CNTLN: variants seen among roughly 807,000 people sequenced by gnomAD.
The protein encoded by CNTLN is centlein.
CNTLN carries 212 observed loss-of-function variants against 180.0 expected under a neutral mutation model. The observed-to-expected ratio is 1.18, with a 90% CI of 1.05 to 1.32. The LOEUF (loss-of-function observed/expected upper bound fraction) is 1.32, where lower values mean the gene tolerates loss of function less well. Ranked by LOEUF, CNTLN falls within the 40% of genes most tolerant of loss-of-function variation. CNTLN has a pLI of 0.00. For missense variants in CNTLN, 2,095 were observed against 1,610.9 expected (o/e 1.30, Z -5.14); for synonymous variants, 722 against 563.1 (o/e 1.28, Z -3.99).
chr9:17,382,316 A>G (rs762149522), intron 13 of CNTLN, among the ~76,000 whole-genome samples: 11 of 152,224 alleles, frequency 7.2e-5, no homozygotes, highest in Non-Finnish European at 1.3e-4. Context: ...ACTCAAGTTT[A>G]CTTACTATTA....
At chr9:17,404,947 A>G (rs1827262666) in intron 15 of CNTLN, among the ~76,000 whole-genome samples, 1 of 151,632 alleles carries the variant, frequency 6.6e-6, no homozygotes, top group Non-Finnish European at 1.5e-5. Context: ...CATGTTAGCC[A>G]GGCTGGTCTT....
At chr9:17,465,832 T>A in intron 21 of CNTLN, 149 bp from the exon 22 acceptor site, 1 of 609,776 alleles carries the variant, frequency 1.6e-6, no homozygotes, top group Non-Finnish European at 2.7e-6. Context: ...ATAATATGAG[T>A]TCTGTAAGTA....
chr9:17,394,447 G>A, intron 14 of CNTLN, 87 bp from the exon 15 acceptor site: 1 of 1,021,776 alleles, frequency 9.8e-7, no homozygotes, highest in Non-Finnish European at 1.4e-6. Context: ...TGCTAAATGT[G>A]ATTTTTATTT....
At chr9:17,432,207 C>CA (rs1263727041) in intron 18 of CNTLN, among the ~76,000 whole-genome samples, 1 of 151,758 alleles carries the variant, frequency 6.6e-6, no homozygotes, top group Non-Finnish European at 1.5e-5. Flanking sequence ...AAACAAAAAA[C>CA]AAAAAACAAA....
At chr9:17,262,705 C>A (rs1827090362) in intron 5 of CNTLN, among the ~76,000 whole-genome samples, 1 of 151,294 alleles carries the variant, frequency 6.6e-6, no homozygotes, top group African/African-American at 2.5e-5. Flanking sequence ...AACAAACCTT[C>A]ACGATCTGCA....
intron 2 of CNTLN, among the ~76,000 whole-genome samples, chr9:17,179,669 T>C (rs373982173): frequency 1.4e-4 from 22 of 152,224 alleles, no homozygotes; most frequent in African/African-American, 5.1e-4. Flanking sequence ...TCCATAAATA[T>C]TGATTAGATC....
intron 2 of CNTLN, among the ~76,000 whole-genome samples, chr9:17,168,953 C>G (rs139418500): frequency 0.014 from 2,067 of 152,126 alleles, 49 homozygotes; most frequent in African/African-American, 0.048. Flanking sequence ...TGTTCACTGC[C>G]GTAGTCTGGC....
intron 2 of CNTLN, among the ~76,000 whole-genome samples, chr9:17,152,565 G>A (rs1004804326): frequency 6.6e-6 from 1 of 152,146 alleles, no homozygotes; most frequent in African/African-American, 2.4e-5. Context: ...TTGCTGAGTA[G>A]TGTTTTACTT....
At chr9:17,343,943 G>T (rs370729790) in intron 12 of CNTLN, among the ~76,000 whole-genome samples, 31 of 152,134 alleles carry the variant, frequency 2.0e-4, no homozygotes, top group African/African-American at 6.5e-4. Flanking sequence ...TTTAGTACGT[G>T]GTCCTAGACT....
rs530989540 is a variant in CNTLN, at chr9:17,261,968, A to G, written c.850-11765A>G. Among the ~76,000 whole-genome samples the G allele has an allele frequency of 7.3e-5, 11 of 151,702 alleles. No homozygotes were observed. In the South Asian group the frequency reaches 1.4e-3, roughly 20 times the overall value. ...GTGGACATTTATGATGCCAACAAAC[A>G]TAGGAAAAAAGCTTATCAGTAGTCA... On this transcript the variant is annotated intron_variant, in intron 5 of 25. Transcript: ENST00000380647.
intron 5 of CNTLN, among the ~76,000 whole-genome samples, chr9:17,272,563 C>T (rs961386061): frequency 1.3e-5 from 2 of 152,214 alleles, no homozygotes; most frequent in Non-Finnish European, 2.9e-5. Flanking sequence ...ATCTTCTTTC[C>T]AGCCTGAGGC....
At chr9:17,295,755 A>T (rs1368754600) in intron 6 of CNTLN, among the ~76,000 whole-genome samples, 2 of 152,028 alleles carry the variant, frequency 1.3e-5, no homozygotes, top group Admixed American at 6.6e-5. Flanking sequence ...TATTTGCAAC[A>T]TTGGTGTACA....
intron 18 of CNTLN, among the ~76,000 whole-genome samples, chr9:17,423,849 C>G (rs1828899809): frequency 6.6e-6 from 1 of 152,104 alleles, no homozygotes; most frequent in South Asian, 2.1e-4. Flanking sequence ...CACACAGATT[C>G]TCTCTCGGCT....
At chr9:17,307,962 G>A (rs1450890431) in intron 7 of CNTLN, among the ~76,000 whole-genome samples, 1 of 140,856 alleles carries the variant, frequency 7.1e-6, no homozygotes, top group African/African-American at 2.7e-5. Flanking sequence ...TTTACTGTTA[G>A]CCTTTAAAAC....
chr9:17,201,894 T>C lies in CNTLN; in HGVS notation c.450-24309T>C, dbSNP rs1290995818. Among the ~76,000 whole-genome samples the C allele has an allele frequency of 3.9e-5, 6 of 152,294 alleles. No homozygotes were observed. In the East Asian group the frequency reaches 9.6e-4, roughly 24 times the overall value. On this transcript the variant is annotated intron_variant, in intron 2 of 25. Transcript: ENST00000380647. Reference sequence around the variant, plus strand: ...TCTGCTAACTTTTGAATTTGTTTGCTCTTGATTCTGTAGTTCTTTTAATTG... The same window carrying C: ...TCTGCTAACTTTTGAATTTGTTTGCCCTTGATTCTGTAGTTCTTTTAATTG...
intron 2 of CNTLN, among the ~76,000 whole-genome samples, chr9:17,150,015 G>T (rs1168661381): frequency 3.9e-5 from 6 of 151,940 alleles, no homozygotes. Flanking sequence ...TTTTCTGGTA[G>T]ATTTGTTTAA....
intron 15 of CNTLN, 70 bp from the exon 16 acceptor site, chr9:17,409,223 T>C: frequency 7.0e-6 from 10 of 1,420,446 alleles, no homozygotes; most frequent in Non-Finnish European, 9.7e-6. Context: ...TTATTTGGTC[T>C]TGAACTTAAG....
At chr9:17,364,655 G>C (rs1232094657) in intron 12 of CNTLN, among the ~76,000 whole-genome samples, 1 of 151,950 alleles carries the variant, frequency 6.6e-6, no homozygotes, top group East Asian at 1.9e-4. Flanking sequence ...GTCATTCATG[G>C]CTTTGAACTT....
In CNTLN at chr9:17,241,992, A is replaced by C. The variant is rs150599598; in HGVS notation, c.849+5404A>C. Reference sequence around the variant, plus strand: ...CCAAATATAAGATTATATCATTGGCAAACAAGGATGATTTGACTATTTCCT... The same window carrying C: ...CCAAATATAAGATTATATCATTGGCCAACAAGGATGATTTGACTATTTCCT... On this transcript the variant is annotated intron_variant, in intron 5 of 25. Transcript: ENST00000380647. 3.9e-3 allele frequency among the ~76,000 whole-genome samples: 594 copies of C among 152,318 alleles called. 4 individuals carry two copies. The highest frequency in any genetic ancestry group is 0.013 in the African/African-American group (528 of 41,582).
Sources: allele counts gnomAD v4.1 joint callset (sites outside exome capture counted in the v4.1 genomes callset), GRCh38; gene constraint gnomAD v4.1.1; transcripts MANE v1.5; gene names NCBI Gene and HGNC (gene_info 2026-07-23, HGNC 2026-07-21).